The following GRIK2 variants were observed in gnomAD, a reference collection of about 807,000 sequenced individuals.
GRIK2 encodes the protein glutamate receptor ionotropic, kainate 2.
GRIK2 carries 32 observed loss-of-function variants against 100.3 expected under a neutral mutation model. That is an observed-to-expected ratio of 0.32 (90% CI 0.24 to 0.43). The LOEUF (loss-of-function observed/expected upper bound fraction) is 0.43. Among genes scored for constraint, GRIK2 ranks in the 20% least tolerant of loss-of-function variants. GRIK2 has a pLI of 1.00. For synonymous variants in GRIK2, 417 were observed against 389.4 expected (o/e 1.07, Z -0.83); for missense variants, 843 against 1,114.9 (o/e 0.76, Z 3.47).
chr6:101,805,048 G>A (rs1164651193), intron 9 of GRIK2, among the ~76,000 whole-genome samples: 1 of 151,850 alleles, frequency 6.6e-6, no homozygotes, highest in Non-Finnish European at 1.5e-5. Context: ...CTAAAACACA[G>A]CGTCTTACAC....
intron 14 of GRIK2, among the ~76,000 whole-genome samples, chr6:102,007,347 T>C (rs1795295419): frequency 6.6e-6 from 1 of 152,142 alleles, no homozygotes; most frequent in South Asian, 2.1e-4. Flanking sequence ...AATTAGGTCC[T>C]GAAATAAAGT....
intron 7 of GRIK2, among the ~76,000 whole-genome samples, chr6:101,753,344 T>A (rs78431920): frequency 0.018 from 2,751 of 151,956 alleles, 93 homozygotes; most frequent in African/African-American, 0.064. Flanking sequence ...AAAACACTTT[T>A]GCTGCAATAT....
intron 3 of GRIK2, among the ~76,000 whole-genome samples, chr6:101,624,799 A>G (rs1460498968): frequency 6.6e-6 from 1 of 152,002 alleles, no homozygotes; most frequent in Non-Finnish European, 1.5e-5. Context: ...TGGCACCATC[A>G]TGGCTCACTG....
At chr6:102,065,961 A>G (rs575486398) in intron 16 of GRIK2, 2 of 1,219,608 alleles carry the variant, frequency 1.6e-6, no homozygotes, top group Admixed American at 3.7e-5. Flanking sequence ...CACTGTTTCC[A>G]TATACTGGCT....
At chr6:101,784,363 T>C (rs1779293817) in intron 7 of GRIK2, among the ~76,000 whole-genome samples, 1 of 152,250 alleles carries the variant, frequency 6.6e-6, no homozygotes, top group African/African-American at 2.4e-5. Flanking sequence ...ACCTGCATTG[T>C]ATCTTGGAAG....
At position 101,811,674 on chromosome 6, in the gene GRIK2, G is replaced by A. The variant is rs372746936; in HGVS notation, c.1204-6696G>A. On this transcript the variant is annotated intron_variant, in intron 9 of 16. Coordinates refer to ENST00000369134, the MANE Select transcript of GRIK2 (RefSeq NM_021956.5). ...AAGAAATGTGTGACATTGATCCGGT[G>A]TACACAAAACAGAGCTAACATGCAT... 3.3e-5 allele frequency among the ~76,000 whole-genome samples: 5 copies of A among 151,924 alleles called. No homozygotes were observed. The East Asian group carries it at 9.7e-4, about 29-fold the overall frequency.
chr6:101,556,076 A>T (rs1776720963), intron 2 of GRIK2, among the ~76,000 whole-genome samples: 1 of 152,036 alleles, frequency 6.6e-6, no homozygotes, highest in African/African-American at 2.4e-5. Flanking sequence ...TTTTATTTTT[A>T]GTGATTATAT....
chr6:101,763,524 C>G (rs1777859626), intron 7 of GRIK2, among the ~76,000 whole-genome samples: 1 of 152,152 alleles, frequency 6.6e-6, no homozygotes, highest in Admixed American at 6.5e-5. Flanking sequence ...AATTTATTAG[C>G]CAATCAAAAT....
chr6:102,037,792 A>G (rs1770351168), intron 15 of GRIK2, among the ~76,000 whole-genome samples: 1 of 151,322 alleles, frequency 6.6e-6, no homozygotes. Context: ...GGCATTCTGC[A>G]TAGTTAGGTC....
intron 2 of GRIK2, among the ~76,000 whole-genome samples, chr6:101,458,182 T>A (rs1771109492): frequency 6.6e-6 from 1 of 152,034 alleles, no homozygotes; most frequent in Admixed American, 6.6e-5. Flanking sequence ...TTTTTCCTTC[T>A]GAGAAGGGAT....
In GRIK2 at chr6:101,742,511, T is replaced by G. The variant is rs138420175; in HGVS notation, c.951+56158T>G. Reference sequence around the variant, plus strand: ...TCCTGAGAACACGTCCTCAAGGTGGTCGGGGTGCAGCTTGGTTTTATACAT... The same window carrying G: ...TCCTGAGAACACGTCCTCAAGGTGGGCGGGGTGCAGCTTGGTTTTATACAT... On this transcript the variant is annotated intron_variant, in intron 7 of 16. Transcript: ENST00000369134. 3.3e-3 allele frequency among the ~76,000 whole-genome samples: 497 copies of G among 152,222 alleles called. 4 individuals are homozygous for G. Among genetic ancestry groups the G allele is most frequent in the African/African-American group, 0.01 (424 of 41,510 alleles).
chr6:101,463,483 A>T (rs1771450847), intron 2 of GRIK2, among the ~76,000 whole-genome samples: 2 of 152,206 alleles, frequency 1.3e-5, no homozygotes, highest in African/African-American at 4.8e-5. Flanking sequence ...TTGTATTTTT[A>T]TTCCAATGTG....
intron 7 of GRIK2, among the ~76,000 whole-genome samples, chr6:101,793,219 T>C (rs1780021223): frequency 6.6e-6 from 1 of 152,352 alleles, no homozygotes; most frequent in African/African-American, 2.4e-5. Context: ...GTCAACGTCA[T>C]TCTCCATCCA....
rs192554693 is a variant in GRIK2 at position 101,659,405 on chromosome 6, T to C, written c.542-17218T>C. Among the ~76,000 whole-genome samples the C allele has an allele frequency of 1.1e-4, 16 of 152,326 alleles. No homozygotes were observed. In the East Asian group the frequency reaches 2.7e-3, roughly 26 times the overall value. ...TGGTACCAGTACCGTGCTCTTTTGG[T>C]TACTGTAGCCTTTTAGTATAGTTTG... On this transcript the variant is annotated intron_variant, in intron 4 of 16. Coordinates refer to ENST00000369134, the MANE Select transcript of GRIK2 (RefSeq NM_021956.5).
chr6:101,689,070 T>C (rs1771909847), intron 7 of GRIK2, among the ~76,000 whole-genome samples: 2 of 151,986 alleles, frequency 1.3e-5, no homozygotes, highest in South Asian at 2.1e-4. Flanking sequence ...CAATTTAAAA[T>C]TGTAAGCATT....
chr6:102,043,521 T>G (rs1770710405), intron 15 of GRIK2, among the ~76,000 whole-genome samples: 1 of 151,964 alleles, frequency 6.6e-6, no homozygotes, highest in Non-Finnish European at 1.5e-5. Context: ...CGTCTTTTTG[T>G]GCCTGACTTC....
chr6:101,404,119 G>A (rs1237825327), intron 2 of GRIK2, among the ~76,000 whole-genome samples: 1 of 152,164 alleles, frequency 6.6e-6, no homozygotes, highest in Non-Finnish European at 1.5e-5. Context: ...AAGCGAACAT[G>A]GTTTATACGT....
At chr6:101,763,254 C>A (rs1234837266) in intron 7 of GRIK2, among the ~76,000 whole-genome samples, 1 of 152,158 alleles carries the variant, frequency 6.6e-6, no homozygotes, top group East Asian at 1.9e-4. Context: ...TTGTTTTTAA[C>A]AACTGAGTGA....
chr6:101,980,891 C>CT (rs36081447), intron 14 of GRIK2, among the ~76,000 whole-genome samples: 26,542 of 124,754 alleles, frequency 0.21, 3,484 homozygotes, highest in African/African-American at 0.38. Flanking sequence ...CCATTTTTTC[C>CT]TTTTTTTTTT....
Sources: allele counts gnomAD v4.1 joint callset (sites outside exome capture counted in the v4.1 genomes callset), GRCh38; gene constraint gnomAD v4.1.1; transcripts MANE v1.5; gene names NCBI Gene and HGNC (gene_info 2026-07-23, HGNC 2026-07-21).